MAP4K3: variants seen among roughly 807,000 people sequenced by gnomAD.
The protein encoded by MAP4K3 is MAPK/ERK kinase kinase kinase 3.
MAP4K3 carries 94 observed loss-of-function variants against 143.5 expected under a neutral mutation model. That is an observed-to-expected ratio of 0.65 (90% CI 0.55 to 0.78). The LOEUF is 0.78. Ranked by LOEUF, MAP4K3 falls within the 30% of genes least tolerant of loss-of-function variation. The probability of loss-of-function intolerance (pLI) is 0.00; values close to 1 mark genes in which losing one functional copy is unlikely to be tolerated. For synonymous variants in MAP4K3, 416 were observed against 347.2 expected (o/e 1.20, Z -2.20); for missense variants, 1,077 against 1,068.1 (o/e 1.01, Z -0.12).
chr2:39,335,464 T>C (rs536535353), intron 6 of MAP4K3, among the ~76,000 whole-genome samples: 3 of 152,310 alleles, frequency 2.0e-5, no homozygotes, highest in East Asian at 3.9e-4. Flanking sequence ...CCTTGCATAA[T>C]GGAACATCAA....
At chr2:39,409,746 C>G (rs1436681896) in intron 1 of MAP4K3, among the ~76,000 whole-genome samples, 1 of 152,070 alleles carries the variant, frequency 6.6e-6, no homozygotes, top group Non-Finnish European at 1.5e-5. Flanking sequence ...CAGAAATAGA[C>G]TAAAAATAAT....
At chr2:39,311,673 G>A (rs1450781357) in intron 13 of MAP4K3, among the ~76,000 whole-genome samples, 1 of 152,164 alleles carries the variant, frequency 6.6e-6, no homozygotes. Context: ...TGAAGCCTCT[G>A]GCCAATAGTT....
In MAP4K3 at chr2:39,337,515, A is replaced by T. The variant is rs1665002553; in HGVS notation, c.366+11T>A. 6.2e-7 allele frequency: 1 copy of T among 1,603,294 alleles called. No homozygotes were observed. The highest frequency in any genetic ancestry group is 8.5e-7 in the Non-Finnish European group (1 of 1,171,160). On this transcript the variant is annotated intron_variant, in intron 5 of 33. Coordinates refer to ENST00000263881, the MANE Select transcript of MAP4K3 (RefSeq NM_003618.4). ...TGAAAAATGTTATTTTTGAATTAGC[A>T]CTTGATTTACCTGCAGTGTTTCTCT...
intron 1 of MAP4K3, among the ~76,000 whole-genome samples, chr2:39,402,325 G>C (rs988384838): frequency 6.7e-6 from 1 of 149,270 alleles, no homozygotes; most frequent in Non-Finnish European, 1.5e-5. Context: ...CAGGTAAAGA[G>C]CAAAATTTTT....
chr2:39,436,814 C>T, intron 1 of MAP4K3, 78 bp downstream of exon 1: 5 of 1,259,346 alleles, frequency 4.0e-6, no homozygotes, highest in African/African-American at 1.5e-5. Context: ...CGAGGACAGG[C>T]GGCAAGGGCT....
At chr2:39,328,125 G>C (rs1024943391) in intron 8 of MAP4K3, among the ~76,000 whole-genome samples, 1 of 152,192 alleles carries the variant, frequency 6.6e-6, no homozygotes, top group Non-Finnish European at 1.5e-5. Context: ...GAGCTCAGGA[G>C]TTTGAGACCA....
intron 3 of MAP4K3, among the ~76,000 whole-genome samples, chr2:39,354,883 C>A (rs1042602463): frequency 6.6e-6 from 1 of 152,028 alleles, no homozygotes; most frequent in African/African-American, 2.4e-5. Context: ...AAAATGGGAA[C>A]CTGCAATAAG....
chr2:39,363,434 G>C (rs1488707897), intron 2 of MAP4K3, among the ~76,000 whole-genome samples: 1 of 152,156 alleles, frequency 6.6e-6, no homozygotes, highest in Admixed American at 6.6e-5. Flanking sequence ...TTTGGAGGCC[G>C]AGGTGGGTGG....
At chr2:39,415,289 T>G (rs932008400) in intron 1 of MAP4K3, among the ~76,000 whole-genome samples, 1 of 152,256 alleles carries the variant, frequency 6.6e-6, no homozygotes, top group African/African-American at 2.4e-5. Context: ...GATATGACTT[T>G]GTTTAAGCAA....
At chr2:39,294,104 A>G (rs1682170590) in intron 16 of MAP4K3, 1 of 152,208 alleles carries the variant, frequency 6.6e-6, no homozygotes, top group African/African-American at 2.4e-5. Context: ...GGAGATAAAT[A>G]TAGTTACTAA....
At chr2:39,344,584 C>T (rs1435739343) in intron 3 of MAP4K3, among the ~76,000 whole-genome samples, 3 of 152,082 alleles carry the variant, frequency 2.0e-5, no homozygotes, top group Non-Finnish European at 2.9e-5. Flanking sequence ...GCCCACAAAG[C>T]CTAAAATATT....
chr2:39,346,286 C>G (rs1049219854), intron 3 of MAP4K3, among the ~76,000 whole-genome samples: 9 of 152,222 alleles, frequency 5.9e-5, no homozygotes, highest in African/African-American at 2.2e-4. Context: ...TGCTAGTTTA[C>G]TGTTTGTAGT....
intron 2 of MAP4K3, among the ~76,000 whole-genome samples, chr2:39,359,968 T>A (rs571953231): frequency 4.6e-5 from 7 of 152,372 alleles, no homozygotes; most frequent in African/African-American, 1.7e-4. Context: ...CCTGGAGACA[T>A]GTTCCCCTTG....
Position 39,259,475 on chromosome 2 carries a change from T to G in MAP4K3, c.2309-888A>C, listed in dbSNP as rs148224589. On this transcript the variant is annotated intron_variant, in intron 29 of 33. Coordinates refer to ENST00000263881, the MANE Select transcript of MAP4K3 (RefSeq NM_003618.4). Reference sequence around the variant, plus strand: ...AGATGATCAAAAAGGTAACATCACCTCAGGGAGGCAGGGCAACTGGAGTTG... The same window carrying G: ...AGATGATCAAAAAGGTAACATCACCGCAGGGAGGCAGGGCAACTGGAGTTG... Among the ~76,000 whole-genome samples, 585 of 152,238 alleles carry G rather than the reference T, an allele frequency of 3.8e-3. 7 individuals are homozygous for G. The highest frequency in any genetic ancestry group is 0.013 in the African/African-American group (556 of 41,520).
chr2:39,308,547 T>C (rs1034224771), intron 14 of MAP4K3, among the ~76,000 whole-genome samples: 1 of 152,146 alleles, frequency 6.6e-6, no homozygotes, highest in Non-Finnish European at 1.5e-5. Context: ...AACAGTTATT[T>C]TCTTCTCATT....
chr2:39,307,971 T>C lies in MAP4K3; in HGVS notation c.1091A>G (p.Glu364Gly), dbSNP rs370883343. The C allele has an allele frequency of 1.9e-6, 3 of 1,592,396 alleles. No homozygotes were observed. The highest frequency in any genetic ancestry group is 1.1e-5 in the South Asian group (1 of 87,208). The change falls in exon 15 of 34, where the codon GAA (glutamate) becomes GGA (glycine). Residue 364 changes from glutamate to glycine, a missense_variant. Transcript: ENST00000263881. ...DSDGFLDSSE[E>G]IYYTARSNLD... ...ATTAGATCTTGCAGTGTAGTATATTTCTTCTGAACTGTCCAAAAAACCATC... is the reference window on the plus strand; with the variant it reads ...ATTAGATCTTGCAGTGTAGTATATTCCTTCTGAACTGTCCAAAAAACCATC...
rs886533908 is a variant in MAP4K3, at chr2:39,288,141, G to C, written c.1454C>G (p.Pro485Arg). 6.8e-6 allele frequency: 11 copies of C among 1,614,108 alleles called. No individual in the cohort carries two copies. The South Asian group carries it at 7.7e-5, about 11-fold the overall frequency. The change falls in exon 20 of 34, where the codon CCA becomes CGA. Residue 485 changes from proline to arginine, a missense_variant. By Grantham distance (103) the Pro-to-Arg change is moderately radical. This residue lies in a region of MAP4K3 where 864 missense variants were observed against 801.2 expected (regional missense o/e 1.08). Transcript: ENST00000263881. ...PPRPPPPRLP[P>R]HKPVALGNGM... is the part of the protein sequence containing the mutation. Reference sequence around the variant, plus strand: ...ATTACCTAAGGCAACAGGTTTGTGTGGGGGTAATCTGGGAGGTGGTGGTCT... The same window carrying C: ...ATTACCTAAGGCAACAGGTTTGTGTCGGGGTAATCTGGGAGGTGGTGGTCT...
intron 1 of MAP4K3, among the ~76,000 whole-genome samples, chr2:39,387,171 T>C (rs1666527806): frequency 6.6e-6 from 1 of 152,216 alleles, no homozygotes; most frequent in South Asian, 2.1e-4. Context: ...AATTTTGTGA[T>C]TCCTCCAACT....
At chr2:39,331,739 G>A (rs1000176950) in intron 8 of MAP4K3, among the ~76,000 whole-genome samples, 178 bp downstream of exon 8, 14 of 152,128 alleles carry the variant, frequency 9.2e-5, no homozygotes, top group African/African-American at 3.1e-4. Flanking sequence ...AAAATAACAT[G>A]GTAGGATATT....
Sources: allele counts gnomAD v4.1 joint callset (sites outside exome capture counted in the v4.1 genomes callset), GRCh38; gene constraint gnomAD v4.1.1; regional missense constraint gnomAD v4.1.1; transcripts MANE v1.5; gene names NCBI Gene and HGNC (gene_info 2026-07-23, HGNC 2026-07-21).